Variants in CNBD1 observed in about 807,000 individuals in gnomAD.
The protein encoded by CNBD1 is cyclic nucleotide binding domain containing 1, also known as cyclic nucleotide-binding domain-containing protein 1.
Under a neutral mutation model 54.4 loss-of-function variants are expected in CNBD1, and 71 were observed. That is an observed-to-expected ratio of 1.30 (90% confidence interval 1.08 to 1.59). CNBD1 has a LOEUF of 1.59. Ranked by LOEUF, CNBD1 falls within the 40% of genes most tolerant of loss-of-function variation. CNBD1 has a pLI of 0.00. For synonymous variants in CNBD1, 182 were observed against 170.7 expected (o/e 1.07, Z -0.51); for missense variants, 659 against 518.0 (o/e 1.27, Z -2.64).
intron 4 of CNBD1, among the ~76,000 whole-genome samples, chr8:86,966,855 G>C (rs971973067): frequency 6.6e-6 from 1 of 152,192 alleles, no homozygotes; most frequent in Non-Finnish European, 1.5e-5. Context: ...CTAGGGGGTT[G>C]CTGTTGCTGG....
intron 6 of CNBD1, among the ~76,000 whole-genome samples, chr8:87,241,124 T>G (rs1807691999): frequency 1.3e-5 from 2 of 152,182 alleles, no homozygotes; most frequent in South Asian, 4.1e-4. Flanking sequence ...CAATCTTTGC[T>G]GCCAACTTCC....
chr8:86,934,929 A>T (rs1369541072), intron 3 of CNBD1, among the ~76,000 whole-genome samples: 1 of 152,202 alleles, frequency 6.6e-6, no homozygotes, highest in East Asian at 1.9e-4. Context: ...CCTGCTATTG[A>T]TATCAAGGCT....
At chr8:87,391,605 T>A (rs1209548119) in intron 2 of CNBD1, among the ~76,000 whole-genome samples, 2 of 152,052 alleles carry the variant, frequency 1.3e-5, no homozygotes, top group Non-Finnish European at 2.9e-5. Flanking sequence ...GGAAGAATAA[T>A]CTTTTCAACA....
intron 4 of CNBD1, among the ~76,000 whole-genome samples, chr8:87,175,818 CTG>C (rs988330323): frequency 6.6e-6 from 1 of 152,180 alleles, no homozygotes; most frequent in African/African-American, 2.4e-5. Context: ...GTGTCCTAGA[CTG>C]TGTTTCAAGT....
At chr8:87,129,599 AT>A (rs1322939901) in intron 4 of CNBD1, among the ~76,000 whole-genome samples, 1 of 150,848 alleles carries the variant, frequency 6.6e-6, no homozygotes, top group African/African-American at 2.4e-5. Flanking sequence ...TCCTCTGATC[AT>A]TTTTTTCCTT....
At chr8:87,395,825 G>A (rs1169330210) in intron 2 of CNBD1, among the ~76,000 whole-genome samples, 1 of 151,862 alleles carries the variant, frequency 6.6e-6, no homozygotes, top group Non-Finnish European at 1.5e-5. Context: ...CATGGGGGTG[G>A]TTACCTGGAT....
chr8:87,215,914 G>A (rs1422991657), intron 5 of CNBD1, among the ~76,000 whole-genome samples: 1 of 152,106 alleles, frequency 6.6e-6, no homozygotes, highest in Non-Finnish European at 1.5e-5. Context: ...AACCCTGGTA[G>A]CCACTAGCCT....
At chr8:87,187,115 T>A (rs1813493900) in intron 4 of CNBD1, among the ~76,000 whole-genome samples, 1 of 136,274 alleles carries the variant, frequency 7.3e-6, no homozygotes, top group African/African-American at 2.5e-5. Context: ...TATTGCCATT[T>A]TAAAAATCAA....
intron 8 of CNBD1, among the ~76,000 whole-genome samples, chr8:87,297,994 A>G (rs1429742348): frequency 6.6e-6 from 1 of 151,588 alleles, no homozygotes; most frequent in Non-Finnish European, 1.5e-5. Context: ...CCTTATTAAT[A>G]TAGACATTAA....
intron 2 of CNBD1, among the ~76,000 whole-genome samples, chr8:86,893,866 A>G (rs1484808921): frequency 6.6e-6 from 1 of 151,668 alleles, no homozygotes; most frequent in Non-Finnish European, 1.5e-5. Context: ...TTGTATCTCT[A>G]TTGTTTATCA....
At chr8:87,364,436 T>C (rs1447628412) in intron 10 of CNBD1, among the ~76,000 whole-genome samples, 2 of 152,022 alleles carry the variant, frequency 1.3e-5, no homozygotes, top group South Asian at 2.1e-4. Context: ...TATTAAACTG[T>C]TTTACTTTTT....
intron 2 of CNBD1, among the ~76,000 whole-genome samples, chr8:87,413,929 G>A (rs1319145016): frequency 6.6e-6 from 1 of 151,522 alleles, no homozygotes; most frequent in African/African-American, 2.4e-5. Context: ...TGGTGGGACT[G>A]TAAACTAGTT....
At chr8:87,264,138 C>A (rs922730170) in intron 6 of CNBD1, among the ~76,000 whole-genome samples, 3 of 151,850 alleles carry the variant, frequency 2.0e-5, no homozygotes, top group Admixed American at 6.6e-5. Flanking sequence ...TTAATGCTAT[C>A]CCTCCCCTCT....
intron 3 of CNBD1, 137 bp from the exon 4 acceptor site, chr8:86,939,457 GCA>G: frequency 2.0e-6 from 1 of 501,712 alleles, no homozygotes. Flanking sequence ...ACATTCTAAT[GCA>G]TTTAAAAAGA....
intron 3 of CNBD1, among the ~76,000 whole-genome samples, chr8:86,908,799 T>TGAGACGGAG (rs1563818130): frequency 4.6e-3 from 22 of 4,738 alleles, no homozygotes; most frequent in East Asian, 0.17. Context: ...TTTTTTTTTT[T>TGAGACGGAG]TTGTGCTGAG....
downstream of CNBD1, among the ~76,000 whole-genome samples, chr8:87,384,618 A>G (rs1226388493): frequency 6.6e-6 from 1 of 152,240 alleles, no homozygotes. Context: ...AAACACTTTC[A>G]GAGCACCTAA....
intron 5 of CNBD1, among the ~76,000 whole-genome samples, chr8:87,226,881 C>T (rs1414933625): frequency 4.0e-5 from 6 of 151,188 alleles, no homozygotes; most frequent in Admixed American, 1.3e-4. Flanking sequence ...ATCTGAGTCT[C>T]TTTGTAGGTC....
chr8:87,109,188 GA>G (rs1321555034), intron 4 of CNBD1, among the ~76,000 whole-genome samples: 2 of 151,942 alleles, frequency 1.3e-5, no homozygotes, highest in Non-Finnish European at 2.9e-5. Flanking sequence ...GTTTCTTATT[GA>G]GGGAAAAAAA....
intron 4 of CNBD1, among the ~76,000 whole-genome samples, chr8:87,117,453 G>T (rs138653420): frequency 6.0e-5 from 9 of 148,928 alleles, no homozygotes; most frequent in African/African-American, 2.2e-4. Context: ...ATGAACCTAG[G>T]ATAGTTGGAC....
Sources: allele counts gnomAD v4.1 joint callset (sites outside exome capture counted in the v4.1 genomes callset), GRCh38; gene constraint gnomAD v4.1.1; transcripts MANE v1.5; gene names NCBI Gene and HGNC (gene_info 2026-07-23, HGNC 2026-07-21).